The following LRRC27 variants were observed in gnomAD, a reference collection of about 807,000 sequenced individuals.
LRRC27 encodes the protein leucine-rich repeat-containing protein 27.
A neutral mutation model predicts 55.0 loss-of-function variants in LRRC27; 57 were observed. The ratio of observed to expected loss-of-function variants is 1.04; its 90% confidence interval spans 0.84 to 1.29. The LOEUF is 1.29. Among genes scored for constraint, LRRC27 ranks in the 50% most tolerant of loss-of-function variants. The pLI, the probability that LRRC27 is intolerant of heterozygous loss-of-function variation, is 0.00. For missense variants in LRRC27, 721 were observed against 651.5 expected, an observed-to-expected ratio of 1.11 and a Z score of -1.16; for synonymous variants, 278 against 251.9, an observed-to-expected ratio of 1.10 and a Z score of -0.98.
At chr10:132,346,487 T>C (rs984441132) in intron 5 of LRRC27, among the ~76,000 whole-genome samples, 1 of 152,116 alleles carries the variant, frequency 6.6e-6, no homozygotes, top group Non-Finnish European at 1.5e-5. Context: ...CCATCCTGGC[T>C]AACATGGTGA....
rs555121561 is a variant in LRRC27, at chr10:132,336,644, G to A, written c.211-921G>A. 1.1e-4 allele frequency: 69 copies of A among 649,740 alleles called. No individual in the cohort carries two copies. In the East Asian group the frequency reaches 1.5e-3, roughly 14 times the overall value. 40.2% of individuals were successfully genotyped at this position (649,740 alleles called of 1,614,324 possible). A position where few individuals can be genotyped will look rare whatever the true frequency, so the allele number is the denominator to read the frequency against. ...CTGTTCTTTAGTGCTTGCCCACATT[G>A]CCCCGTCTCACAGATGAGGACACTG... On this transcript the variant is annotated intron_variant, in intron 2 of 10. Transcript: ENST00000368614.
upstream of LRRC27, among the ~76,000 whole-genome samples, chr10:132,330,672 ATTTT>A (rs57850207): frequency 1.9e-3 from 241 of 126,938 alleles, 1 homozygote; most frequent in African/African-American, 4.9e-3. Context: ...CACACCCAGC[ATTTT>A]TTTTTTTTTT....
intron 8 of LRRC27, among the ~76,000 whole-genome samples, chr10:132,357,613 C>T (rs1029802471): frequency 6.6e-6 from 1 of 152,162 alleles, no homozygotes; most frequent in Non-Finnish European, 1.5e-5. Flanking sequence ...TACAGCAACC[C>T]AGTGACTTTG....
chr10:132,347,056 GT>G (rs1291431892), intron 5 of LRRC27, among the ~76,000 whole-genome samples: 1 of 152,240 alleles, frequency 6.6e-6, no homozygotes, highest in Non-Finnish European at 1.5e-5. Flanking sequence ...GGCTCCCAAA[GT>G]GCCTGGAGTG....
At position 132,379,774 on chromosome 10, in the gene LRRC27, A is replaced by G. The variant is rs989694359; in HGVS notation, c.*4532A>G. The G allele has an allele frequency of 2.0e-5, 3 of 152,080 alleles. No homozygotes were observed. Among genetic ancestry groups the G allele is most frequent in the African/African-American group, 7.2e-5 (3 of 41,394 alleles). 9.4% of individuals were successfully genotyped at this position (152,080 alleles called of 1,614,324 possible). ...GTTTTTAGTGAGTGTCCAGCATTGTATAAGTTGACCCTTGAACAAGAGTTT... is the reference window on the plus strand; with the variant it reads ...GTTTTTAGTGAGTGTCCAGCATTGTGTAAGTTGACCCTTGAACAAGAGTTT... On this transcript the variant is annotated 3_prime_UTR_variant, in exon 11 of 11. Transcript: ENST00000368614.
chr10:132,330,498 T>C (rs757418854), upstream of LRRC27: 5 of 716,942 alleles, frequency 7.0e-6, no homozygotes, highest in African/African-American at 1.7e-5. Flanking sequence ...GATTGGTAGA[T>C]AGTTGGGTAT....
At chr10:132,351,411 C>T in intron 6 of LRRC27, 196 bp from the exon 7 acceptor site, 1 of 657,008 alleles carries the variant, frequency 1.5e-6, no homozygotes, top group East Asian at 2.7e-5. Flanking sequence ...TGTCCTGCTG[C>T]CATCCACACA....
intron 6 of LRRC27, chr10:132,349,098 G>A (rs770863850): frequency 1.2e-5 from 15 of 1,268,304 alleles, no homozygotes; most frequent in South Asian, 2.5e-5. Flanking sequence ...TGCATGTGGT[G>A]TGTGTGCCTG....
intron 3 of LRRC27, among the ~76,000 whole-genome samples, chr10:132,338,710 CTTTTTTT>C (rs928264937): frequency 2.1e-5 from 3 of 140,024 alleles, no homozygotes; most frequent in East Asian, 2.1e-4. Context: ...TTCTTTCTTT[CTTTTTTT>C]TTTTTTTTTT....
chr10:132,333,331 A>G (rs954497952), intron 1 of LRRC27, 146 bp from the exon 2 acceptor site: 1 of 397,116 alleles, frequency 2.5e-6, no homozygotes, highest in African/African-American at 2.3e-5. Context: ...TTTTTTTTAC[A>G]TGTTTAAAAG....
intron 5 of LRRC27, among the ~76,000 whole-genome samples, chr10:132,345,273 G>A (rs2067623682): frequency 6.6e-6 from 1 of 152,208 alleles, no homozygotes. Flanking sequence ...AATATTGTCA[G>A]AATATTTAAA....
Position 132,348,834 on chromosome 10 carries a change from C to A in LRRC27, c.926+478C>A. On this transcript the variant is annotated intron_variant, in intron 6 of 10. Transcript: ENST00000368614. This position sits in a 1 kb window ranked among gnomAD's most constrained non-coding sequence, Gnocchi z 4.2. ...GGAGTTGGGGGAAAGGTCAGTTATG[C>A]AGAAAATAAATGGCAGCTGCCTGGG... is the stretch of plus-strand genomic sequence containing the variant. 1 of 651,556 alleles carries A rather than the reference C, an allele frequency of 1.5e-6. No individual in the cohort carries two copies. Among genetic ancestry groups the A allele is most frequent in the Non-Finnish European group, 2.7e-6 (1 of 368,906 alleles). 40.4% of individuals were successfully genotyped at this position (651,556 alleles called of 1,614,324 possible). A position where few individuals can be genotyped will look rare whatever the true frequency, so the allele number is the denominator to read the frequency against.
intron 7 of LRRC27, chr10:132,352,886 T>C (rs1482711500): frequency 2.5e-6 from 4 of 1,613,960 alleles, no homozygotes. Context: ...CCTCAGTCCT[T>C]TCCTCCTCAT....
intron 7 of LRRC27, among the ~76,000 whole-genome samples, chr10:132,354,835 A>G (rs1375425292): frequency 2.6e-5 from 4 of 152,122 alleles, no homozygotes; most frequent in African/African-American, 9.7e-5. Context: ...GGCAGGATGG[A>G]GAGGGGGTAC....
At position 132,380,731 on chromosome 10, in the gene LRRC27, A is replaced by T. The variant is rs780253772; in HGVS notation, c.*5489A>T. On this transcript the variant is annotated 3_prime_UTR_variant, in exon 11 of 11. Transcript: ENST00000368614. ...CGCAATACTGTAAACCTTGAAGAACACTTTGGGACCCATAGAGTGCCACCA... is the reference window on the plus strand; with the variant it reads ...CGCAATACTGTAAACCTTGAAGAACTCTTTGGGACCCATAGAGTGCCACCA... 6.6e-6 allele frequency among the ~76,000 whole-genome samples: 1 copy of T among 152,210 alleles called. No homozygotes were observed. Among genetic ancestry groups the T allele is most frequent in the Non-Finnish European group, 1.5e-5 (1 of 68,040 alleles).
intron 10 of LRRC27, among the ~76,000 whole-genome samples, chr10:132,368,909 G>T (rs895230471): frequency 1.3e-5 from 2 of 152,092 alleles, no homozygotes. Context: ...CCCGATAAAG[G>T]AATGTTATCT....
At position 132,365,630 on chromosome 10, in the gene LRRC27, C is replaced by G. The variant is rs1048540211; in HGVS notation, c.1416+80C>G. On this transcript the variant is annotated intron_variant, in intron 10 of 10. Transcript: ENST00000368614. ...TGTTTTTGTTTTTTTGAGACAGAGT[C>G]TTGTTCTGTCACCCAGGCTGGAGTG... 3.2e-5 allele frequency: 49 copies of G among 1,508,800 alleles called. 1 individual carries two copies. The Middle Eastern group carries it at 5.1e-3, about 157-fold the overall frequency. The allele number at this position is 1,508,800 out of a possible 1,614,324, so 93.5% of individuals were successfully genotyped here. A position where few individuals can be genotyped will look rare whatever the true frequency, so the allele number is the denominator to read the frequency against.
rs12768660 is a variant in LRRC27 at position 132,372,458 on chromosome 10, C to T, written c.1417-2608C>T. Among the ~76,000 whole-genome samples, 5,277 of 152,320 alleles carry T rather than the reference C, an allele frequency of 0.035. 137 individuals carry two copies. Among genetic ancestry groups the T allele is most frequent in the Non-Finnish European group, 0.059 (4,014 of 68,026 alleles). On this transcript the variant is annotated intron_variant, in intron 10 of 10. Coordinates refer to ENST00000368614, the MANE Select transcript of LRRC27 (RefSeq NM_030626.3). This position sits in a 1 kb window ranked among gnomAD's most constrained non-coding sequence, Gnocchi z 4.0. ...TGGTGTGCACCTGTAATCCCAGCTA[C>T]GCAGGAGACAAAGGCCGGAGAATCG...
chr10:132,335,457 C>T (rs12769314), intron 2 of LRRC27, among the ~76,000 whole-genome samples: 25,259 of 150,110 alleles, frequency 0.17, 2,396 homozygotes, highest in Non-Finnish European at 0.22. Flanking sequence ...CCCCCAGATC[C>T]TCAGAGGCTG....
Sources: gnomAD v4.1 joint callset for allele counts (sites outside exome capture counted in the v4.1 genomes callset) on GRCh38, gnomAD v4.1.1 for gene constraint, Gnocchi (gnomAD v3.1) non-coding constraint, MANE v1.5 for transcripts, NCBI Gene and HGNC (gene_info 2026-07-23, HGNC 2026-07-21) for gene names.